Variants in LRRK1 observed in about 807,000 individuals in gnomAD.
LRRK1 encodes leucine rich repeat kinase 1, also known as leucine-rich repeat serine/threonine-protein kinase 1.
LRRK1 carries 113 observed loss-of-function variants against 209.1 expected under a neutral mutation model. The observed-to-expected ratio is 0.54, with a 90% CI of 0.46 to 0.63. LRRK1 has a LOEUF of 0.63. LRRK1 is among the 30% of genes least tolerant of loss of function. LRRK1 has a pLI of 0.00. For synonymous variants in LRRK1, 1,144 were observed against 1,099.7 expected (o/e 1.04, Z -0.80); for missense variants, 2,284 against 2,632.2 (o/e 0.87, Z 2.89).
chr15:100,941,216 ATGTGTCTGTGTGTGTGTCTGTG>A (rs2042395611), intron 2 of LRRK1, among the ~76,000 whole-genome samples: 1 of 99,882 alleles, frequency 1.0e-5, no homozygotes, highest in Non-Finnish European at 2.1e-5. Flanking sequence ...GTGTGTCTGT[ATGTGTCTGTGTGTGTGTCTGTG>A]TGTGTCTGTC....
rs774547176 is a variant in LRRK1, at chr15:101,027,365, G to A, written c.2510G>A (p.Arg837Gln). ...GTGGGCAGCACCATCGGCTGCCAGC[G>A]ACTGGCAGGGCGGCTGGTGGGTACC... is the stretch of plus-strand genomic sequence containing the variant. ...KDVGSTIGCQ[R>Q]LAGRLIPRSY... Residue 837 changes from arginine (R) to glutamine (Q), a missense_variant, in exon 18 of 34, where the codon CGA becomes CAA. By Grantham distance (43) the Arg-to-Gln change is conservative (BLOSUM62 1). This residue lies in a region of LRRK1 where 780 missense variants were observed against 985.2 expected (regional missense o/e 0.79). Coordinates refer to ENST00000388948, the MANE Select transcript of LRRK1 (RefSeq NM_024652.6). This position sits in a 1 kb window ranked among gnomAD's most constrained non-coding sequence, Gnocchi z 5.1. 1.4e-5 allele frequency: 23 copies of A among 1,613,588 alleles called. No individual in the cohort carries two copies. The highest frequency in any genetic ancestry group is 4.5e-5 in the East Asian group (2 of 44,886).
intron 2 of LRRK1, among the ~76,000 whole-genome samples, chr15:100,930,958 A>G (rs2042201822): frequency 6.6e-6 from 1 of 152,210 alleles, no homozygotes; most frequent in Non-Finnish European, 1.5e-5. Flanking sequence ...AGAAGCTGCT[A>G]TTATTCTTTG....
chr15:100,963,408 C>A (rs1490979389), intron 2 of LRRK1, among the ~76,000 whole-genome samples: 1 of 152,212 alleles, frequency 6.6e-6, no homozygotes, highest in Non-Finnish European at 1.5e-5. Context: ...GTTCTGTGAA[C>A]CTGTGTCACT....
At chr15:100,963,649 G>C (rs2030244720) in intron 2 of LRRK1, among the ~76,000 whole-genome samples, 1 of 152,234 alleles carries the variant, frequency 6.6e-6, no homozygotes. Flanking sequence ...TAGTCTTTTA[G>C]TGTGCACCGT....
chr15:101,029,825 A>G (rs2034204874), intron 20 of LRRK1, among the ~76,000 whole-genome samples: 1 of 152,272 alleles, frequency 6.6e-6, no homozygotes, highest in African/African-American at 2.4e-5. Flanking sequence ...CAGAGATCAC[A>G]GCTCTGCACT....
At chr15:100,949,434 T>C (rs1243394575) in intron 2 of LRRK1, among the ~76,000 whole-genome samples, 1 of 152,196 alleles carries the variant, frequency 6.6e-6, no homozygotes, top group African/African-American at 2.4e-5. Context: ...GTTTCACTGG[T>C]GAATTCTACC....
chr15:100,934,347 T>C (rs1235227175), intron 2 of LRRK1, among the ~76,000 whole-genome samples: 1 of 152,146 alleles, frequency 6.6e-6, no homozygotes, highest in East Asian at 1.9e-4. Flanking sequence ...AGCCCCAGCT[T>C]TGTGTTTGTC....
At chr15:100,938,009 C>A (rs1197909645) in intron 2 of LRRK1, among the ~76,000 whole-genome samples, 1 of 146,580 alleles carries the variant, frequency 6.8e-6, no homozygotes, top group African/African-American at 2.7e-5. Flanking sequence ...CACCACCATG[C>A]TTGGCTAATT....
chr15:101,005,941 C>T (rs562584995), intron 6 of LRRK1, among the ~76,000 whole-genome samples: 14 of 152,172 alleles, frequency 9.2e-5, no homozygotes, highest in African/African-American at 1.4e-4. Context: ...TTGCAACCAC[C>T]GTTGTACTAA....
chr15:101,045,675 T>A (rs1164762100), intron 20 of LRRK1, among the ~76,000 whole-genome samples: 3 of 152,250 alleles, frequency 2.0e-5, no homozygotes, highest in Non-Finnish European at 4.4e-5. Flanking sequence ...CCATTTGCTG[T>A]GTCTGACATT....
chr15:100,997,161 G>A (rs2032460220), intron 6 of LRRK1, among the ~76,000 whole-genome samples: 2 of 151,688 alleles, frequency 1.3e-5, no homozygotes, highest in South Asian at 4.2e-4. Context: ...GGAGATGACT[G>A]CCTTTCAATT....
chr15:100,985,823 C>G (rs1006530344), intron 4 of LRRK1, among the ~76,000 whole-genome samples: 5 of 152,202 alleles, frequency 3.3e-5, no homozygotes, highest in African/African-American at 1.2e-4. Flanking sequence ...CAGTGTGTAC[C>G]CATCCCTGCA....
chr15:101,011,750 T>G (rs2033259454), intron 9 of LRRK1, among the ~76,000 whole-genome samples: 1 of 152,088 alleles, frequency 6.6e-6, no homozygotes, highest in Non-Finnish European at 1.5e-5. Flanking sequence ...CCAAGGACAA[T>G]GGGCCGGATG....
intron 25 of LRRK1, 33 bp from the exon 26 acceptor site, chr15:101,053,190 T>C (rs775163415): frequency 6.3e-7 from 1 of 1,597,132 alleles, no homozygotes; most frequent in South Asian, 1.1e-5. Flanking sequence ...GCACCCCATG[T>C]CCTACTGGCT....
chr15:101,064,254 C>G (rs1379817942), intron 31 of LRRK1, among the ~76,000 whole-genome samples: 1 of 152,250 alleles, frequency 6.6e-6, no homozygotes, highest in African/African-American at 2.4e-5. Context: ...GGACAGTGAG[C>G]TACGGGTCTC....
chr15:101,010,363 A>G, intron 7 of LRRK1, 87 bp from the exon 8 acceptor site: 1 of 1,471,094 alleles, frequency 6.8e-7, no homozygotes, highest in Non-Finnish European at 9.2e-7. Flanking sequence ...AAGAAAAAAA[A>G]TACACCTCTT....
At chr15:101,058,617 C>CGGGGTGTGG (rs10668251) in intron 29 of LRRK1, among the ~76,000 whole-genome samples, 1 of 75,366 alleles carries the variant, frequency 1.3e-5, no homozygotes, top group Non-Finnish European at 2.2e-5. Flanking sequence ...GAAGGGGCAA[C>CGGGGTGTGG]GGGGGGGGGC....
intron 10 of LRRK1, among the ~76,000 whole-genome samples, chr15:101,012,684 G>A (rs949748646): frequency 6.6e-6 from 1 of 152,120 alleles, no homozygotes; most frequent in African/African-American, 2.4e-5. Flanking sequence ...GGTCCTGCCA[G>A]GCCACTGCCA....
rs762643076 is a variant in LRRK1 at position 101,048,646 on chromosome 15, G to C, written c.3288G>C (p.Gly1096=). The C allele has an allele frequency of 5.3e-6, 8 of 1,519,538 alleles. No homozygotes were observed. Among genetic ancestry groups the C allele is most frequent in the Non-Finnish European group, 7.0e-6 (8 of 1,141,354 alleles). The allele number at this position is 1,519,538 out of a possible 1,614,324, so 94.1% of individuals were successfully genotyped here. ...WQEGLLVTFD[G]GYLSVESSDV... ...AAGGGCTCCTGGTCACTTTTGATGG[G>C]GGCTACCTCAGGTAGGAACACCTGG... Residue 1096 remains glycine, a synonymous_variant, in exon 22 of 34, where the codon GGG becomes GGC. Transcript: ENST00000388948.
Sources: allele counts gnomAD v4.1 joint callset (sites outside exome capture counted in the v4.1 genomes callset), GRCh38; gene constraint gnomAD v4.1.1; regional missense constraint gnomAD v4.1.1; non-coding constraint Gnocchi (gnomAD v3.1); transcripts MANE v1.5; gene names NCBI Gene and HGNC (gene_info 2026-07-23, HGNC 2026-07-21).